CHRM2: variants seen among roughly 807,000 people sequenced by gnomAD.
The protein encoded by CHRM2 is muscarinic acetylcholine receptor M2.
In CHRM2, 8 loss-of-function variants were observed where a neutral mutation model predicts 25.0. The observed-to-expected ratio is 0.32, with a 90% confidence interval of 0.19 to 0.58. The LOEUF is 0.58. CHRM2 is among the 20% of genes least tolerant of loss of function. The pLI, the probability that CHRM2 is intolerant of heterozygous loss-of-function variation, is 0.88. For missense variants in CHRM2, 440 were observed against 567.1 expected (o/e 0.78, Z 2.28); for synonymous variants, 202 against 205.7 (o/e 0.98, Z 0.15).
At chr7:136,879,561 C>T (rs1468749630) in intron 2 of CHRM2, among the ~76,000 whole-genome samples, 1 of 151,934 alleles carries the variant, frequency 6.6e-6, no homozygotes, top group Middle Eastern at 3.2e-3. Context: ...AAATTTTACA[C>T]TCTTACATTT....
chr7:136,940,813 A>G (rs940311756), intron 2 of CHRM2, among the ~76,000 whole-genome samples: 1 of 152,218 alleles, frequency 6.6e-6, no homozygotes, highest in Non-Finnish European at 1.5e-5. Context: ...TAGGTTATAT[A>G]ACACAACCAA....
intron 2 of CHRM2, among the ~76,000 whole-genome samples, chr7:136,967,429 G>T (rs576959921): frequency 4.6e-5 from 7 of 151,986 alleles, no homozygotes; most frequent in African/African-American, 1.7e-4. Flanking sequence ...AATTCAAAAA[G>T]ATCTTAACAT....
At chr7:136,980,113 T>A (rs9770898) in intron 2 of CHRM2, among the ~76,000 whole-genome samples, 3,859 of 152,240 alleles carry the variant, frequency 0.025, 170 homozygotes, top group African/African-American at 0.089. Context: ...TGTCCTCTCT[T>A]ACCTCCTTGA....
intron 3 of CHRM2, among the ~76,000 whole-genome samples, chr7:136,998,957 G>A (rs866982417): frequency 6.6e-6 from 1 of 152,264 alleles, no homozygotes; most frequent in South Asian, 2.1e-4. Flanking sequence ...TAGGTAGTTT[G>A]CAAGAAAATA....
chr7:136,958,442 T>C (rs1800854734), intron 2 of CHRM2, among the ~76,000 whole-genome samples: 1 of 143,100 alleles, frequency 7.0e-6, no homozygotes, highest in African/African-American at 2.6e-5. Flanking sequence ...GAAGAAGCAG[T>C]GTCATCTTTT....
At chr7:136,980,342 G>A (rs930210629) in intron 2 of CHRM2, among the ~76,000 whole-genome samples, 1 of 152,130 alleles carries the variant, frequency 6.6e-6, no homozygotes, top group East Asian at 1.9e-4. Context: ...AGGAGATTTG[G>A]GGTGAGACAA....
At chr7:136,979,995 G>T (rs928497185) in intron 2 of CHRM2, among the ~76,000 whole-genome samples, 1 of 152,184 alleles carries the variant, frequency 6.6e-6, no homozygotes, top group Admixed American at 6.5e-5. Flanking sequence ...GTCAATGGTA[G>T]CTTGATGGGA....
intron 2 of CHRM2, among the ~76,000 whole-genome samples, chr7:136,939,427 G>C (rs2130810542): frequency 6.6e-6 from 1 of 152,272 alleles, no homozygotes; most frequent in Non-Finnish European, 1.5e-5. Flanking sequence ...TTAAGCGTCA[G>C]TGTTTCTTTT....
Position 137,001,954 on chromosome 7 carries a change from C to T in CHRM2, c.-47+9690C>T, listed in dbSNP as rs112223143. Among the ~76,000 whole-genome samples, 1,451 of 152,218 alleles carry T rather than the reference C, an allele frequency of 9.5e-3. 20 individuals are homozygous for T. The highest frequency in any genetic ancestry group is 0.033 in the African/African-American group (1,367 of 41,542). On this transcript the variant is annotated intron_variant, in intron 3 of 3. Coordinates refer to ENST00000680005, the MANE Select transcript of CHRM2 (RefSeq NM_001006630.2). Reference sequence around the variant, plus strand: ...GACAACCTAAGCCATCTCCTACATCCTACACTCGCTGAACATAGAATGGTT... The same window carrying T: ...GACAACCTAAGCCATCTCCTACATCTTACACTCGCTGAACATAGAATGGTT...
Position 136,976,780 on chromosome 7 carries a change from G to C in CHRM2, c.-124-15407G>C, listed in dbSNP as rs569787262. Among the ~76,000 whole-genome samples, 7 of 152,272 alleles carry C rather than the reference G, an allele frequency of 4.6e-5. No homozygotes were observed. The East Asian group carries it at 1.4e-3, about 29-fold the overall frequency. On this transcript the variant is annotated intron_variant, in intron 2 of 3. Coordinates refer to ENST00000680005, the MANE Select transcript of CHRM2 (RefSeq NM_001006630.2). ...TGGGTCAAATTTAAACATTTGAAGAGAGAAACTCTTACTCCCTGCTGCAGG... is the reference window on the plus strand; with the variant it reads ...TGGGTCAAATTTAAACATTTGAAGACAGAAACTCTTACTCCCTGCTGCAGG...
chr7:137,015,420 T>A lies in CHRM2; in HGVS notation c.555T>A (p.Ala185=). The A allele has an allele frequency of 1.9e-6, 3 of 1,613,504 alleles. No homozygotes were observed. Among genetic ancestry groups the A allele is most frequent in the Non-Finnish European group, 2.5e-6 (3 of 1,179,640 alleles). Residue 185 remains alanine (A), a synonymous_variant, in exon 4 of 4, where the codon GCT becomes GCA. Transcript: ENST00000680005. This position sits in a 1 kb window ranked among gnomAD's most constrained non-coding sequence, Gnocchi z 5.1. ...ACATTCAGTTTTTTTCCAATGCTGC[T>A]GTCACCTTTGGTACGGCTATTGCAG... ...ECYIQFFSNA[A]VTFGTAIAAF... is the part of the protein sequence containing the mutation.
At chr7:137,000,192 T>A (rs1803893489) in intron 3 of CHRM2, among the ~76,000 whole-genome samples, 1 of 117,366 alleles carries the variant, frequency 8.5e-6, no homozygotes, top group South Asian at 3.0e-4. Context: ...TTCTTTTTCT[T>A]TCTTTTTTTT....
At chr7:136,881,999 T>C (rs1796284091) in intron 2 of CHRM2, among the ~76,000 whole-genome samples, 1 of 152,056 alleles carries the variant, frequency 6.6e-6, no homozygotes, top group Admixed American at 6.6e-5. Context: ...TGAAACACCA[T>C]AAATCTTTTT....
chr7:136,884,097 T>A (rs1796367734), intron 2 of CHRM2, among the ~76,000 whole-genome samples: 1 of 152,180 alleles, frequency 6.6e-6, no homozygotes, highest in South Asian at 2.1e-4. Flanking sequence ...CAACTTAATC[T>A]TGCAACTTTA....
intron 2 of CHRM2, among the ~76,000 whole-genome samples, chr7:136,946,797 G>A (rs922078471): frequency 4.6e-5 from 7 of 152,062 alleles, no homozygotes; most frequent in Non-Finnish European, 7.4e-5. Context: ...TTAAAGGCAG[G>A]GAGGTATGGA....
rs1024166976 is a variant in CHRM2, at chr7:137,016,709, C to G, written c.*443C>G. ...AGACTTAAACATAAAGAAATAGGCA[C>G]TATACAATGGGGACATAAAAAAAGA... is the stretch of plus-strand genomic sequence containing the variant. On this transcript the variant is annotated 3_prime_UTR_variant, in exon 4 of 4. Transcript: ENST00000680005. The G allele has an allele frequency of 4.8e-5, 9 of 187,652 alleles. No homozygotes were observed. Among genetic ancestry groups the G allele is most frequent in the Admixed American group, 4.5e-4 (8 of 17,634 alleles). 11.6% of individuals were successfully genotyped at this position (187,652 alleles called of 1,614,324 possible).
In CHRM2 at chr7:137,019,771, C is replaced by G; in HGVS notation, c.*3505C>G. The G allele has an allele frequency of 6.6e-6, 1 of 151,830 alleles. No homozygotes were observed. The highest frequency in any genetic ancestry group is 1.9e-4 in the East Asian group (1 of 5,144). 9.4% of individuals were successfully genotyped at this position (151,830 alleles called of 1,614,324 possible). A position where few individuals can be genotyped will look rare whatever the true frequency, so the allele number is the denominator to read the frequency against. On this transcript the variant is annotated 3_prime_UTR_variant, in exon 4 of 4. Transcript: ENST00000680005. ...TGAGAAGCCACAACGGGTAAGCTTTCTGATTTGAAATGTACAAGCTGGATG... is the reference window on the plus strand; with the variant it reads ...TGAGAAGCCACAACGGGTAAGCTTTGTGATTTGAAATGTACAAGCTGGATG...
chr7:136,876,128 T>C (rs1237432022), intron 2 of CHRM2, among the ~76,000 whole-genome samples: 1 of 152,212 alleles, frequency 6.6e-6, no homozygotes, highest in Non-Finnish European at 1.5e-5. Context: ...GTTATTTTTA[T>C]ATACCTAATC....
intron 2 of CHRM2, among the ~76,000 whole-genome samples, 159 bp from the exon 3 acceptor site, chr7:136,992,028 A>C (rs1193006130): frequency 6.6e-6 from 1 of 152,154 alleles, no homozygotes. Flanking sequence ...AGGTGCATGT[A>C]CTTCAGATGT....
Sources: allele counts gnomAD v4.1 joint callset (sites outside exome capture counted in the v4.1 genomes callset), GRCh38; gene constraint gnomAD v4.1.1; non-coding constraint Gnocchi (gnomAD v3.1); transcripts MANE v1.5; gene names NCBI Gene and HGNC (gene_info 2026-07-23, HGNC 2026-07-21).